Variants in AAMP observed in about 807,000 individuals in gnomAD.
AAMP encodes the protein angio-associated migratory cell protein.
AAMP carries 12 observed loss-of-function variants against 51.1 expected under a neutral mutation model. That is an observed-to-expected ratio of 0.23 (90% CI 0.15 to 0.38). The LOEUF (loss-of-function observed/expected upper bound fraction) is 0.38. AAMP is among the 10% of genes least tolerant of loss of function. The pLI is 1.00. For missense variants in AAMP, 418 were observed against 557.2 expected, an observed-to-expected ratio of 0.75 and a Z score of 2.52; for synonymous variants, 210 against 218.7, an observed-to-expected ratio of 0.96 and a Z score of 0.35.
At position 218,266,806 on chromosome 2, in the gene AAMP, C is replaced by T; in HGVS notation, c.534+41G>A. ...CTCCCAAGCTTGCACCCCCAACAACCCAAGGCCCCACAGAGCTGACTCCCG... is the reference window on the plus strand; with the variant it reads ...CTCCCAAGCTTGCACCCCCAACAACTCAAGGCCCCACAGAGCTGACTCCCG... On this transcript the variant is annotated intron_variant, in intron 4 of 10. Coordinates refer to ENST00000248450, the MANE Select transcript of AAMP (RefSeq NM_001087.5). This position sits in a 1 kb window ranked among gnomAD's most constrained non-coding sequence, Gnocchi z 4.7. 1.2e-6 allele frequency: 2 copies of T among 1,611,446 alleles called. No homozygotes were observed. The highest frequency in any genetic ancestry group is 1.7e-6 in the Non-Finnish European group (2 of 1,178,772).
At position 218,265,880 on chromosome 2, in the gene AAMP, G is replaced by C; in HGVS notation, c.830C>G (p.Thr277Ser). 1.2e-6 allele frequency: 2 copies of C among 1,614,040 alleles called. No homozygotes were observed. Among genetic ancestry groups the C allele is most frequent in the Non-Finnish European group, 1.7e-6 (2 of 1,180,024 alleles). Reference sequence around the variant, plus strand: ...CTTGGCCTGGCAGTCCACAGAGCCAGTTAGGATCAAGCTGCCATCCTGGTT... The same window carrying C: ...CTTGGCCTGGCAGTCCACAGAGCCACTTAGGATCAAGCTGCCATCCTGGTT... ...AANQDGSLIL[T>S]GSVDCQAKLV... Residue 277 changes from threonine to serine, a missense_variant, in exon 7 of 11, where the codon ACT becomes AGT. By Grantham distance (58) the Thr-to-Ser change is moderately conservative (BLOSUM62 1). Transcript: ENST00000248450. This position sits in a 1 kb window ranked among gnomAD's most constrained non-coding sequence, Gnocchi z 6.6.
Position 218,266,799 on chromosome 2 carries a change from C to T in AAMP, c.534+48G>A, listed in dbSNP as rs200060139. 30 of 1,608,856 alleles carry T rather than the reference C, an allele frequency of 1.9e-5. No homozygotes were observed. In the Admixed American group the frequency reaches 2.5e-4, roughly 13 times the overall value. ...AACTGGCCTCCCAAGCTTGCACCCC[C>T]AACAACCCAAGGCCCCACAGAGCTG... On this transcript the variant is annotated intron_variant, in intron 4 of 10. Transcript: ENST00000248450. The surrounding 1 kb of genome is among the most constrained non-coding windows in gnomAD (Gnocchi z 4.7).
chr2:218,265,955 G>A lies in AAMP; in HGVS notation c.764-9C>T. Reference sequence around the variant, plus strand: ...CTGGTGACCCTCAGTCCCTAGCATAGAGCAGGGAGGCAGCTCAGGCTTCGT... The same window carrying A: ...CTGGTGACCCTCAGTCCCTAGCATAAAGCAGGGAGGCAGCTCAGGCTTCGT... On this transcript the variant is annotated splice_polypyrimidine_tract_variant and intron_variant, in intron 6 of 10. Transcript: ENST00000248450. This position sits in a 1 kb window ranked among gnomAD's most constrained non-coding sequence, Gnocchi z 6.6. The A allele has an allele frequency of 6.2e-7, 1 of 1,611,094 alleles. No homozygotes were observed. The highest frequency in any genetic ancestry group is 8.5e-7 in the Non-Finnish European group (1 of 1,177,362).
At position 218,265,395 on chromosome 2, in the gene AAMP, A is replaced by C; in HGVS notation, c.1050T>G (p.Thr350=). Residue 350 remains threonine (T), a synonymous_variant, in exon 9 of 11, where the codon ACT becomes ACG. Transcript: ENST00000248450. The surrounding 1 kb of genome is among the most constrained non-coding windows in gnomAD (Gnocchi z 6.6). The part of the protein sequence containing the change: ...TLAIYDLATQ[T]LRHQCQHQSG... The stretch of plus-strand genomic sequence containing the variant: ...CCTGGTGCTGACACTGATGCCTAAG[A>C]GTCTGCGTAGCCAGGTCATAGATGG... 6.4e-7 allele frequency: 1 copy of C among 1,560,850 alleles called. No individual in the cohort carries two copies. The highest frequency in any genetic ancestry group is 8.7e-7 in the Non-Finnish European group (1 of 1,151,422).
Position 218,267,291 on chromosome 2 carries a change from G to A in AAMP, c.394+203C>T, listed in dbSNP as rs1208217991. 8.8e-6 allele frequency: 7 copies of A among 797,780 alleles called. No individual in the cohort carries two copies. Among genetic ancestry groups the A allele is most frequent in the Non-Finnish European group, 1.4e-5 (7 of 506,944 alleles). The allele number at this position is 797,780 out of a possible 1,614,324, so 49.4% of individuals were successfully genotyped here. On this transcript the variant is annotated intron_variant, in intron 3 of 10. Transcript: ENST00000248450. This position sits in a 1 kb window ranked among gnomAD's most constrained non-coding sequence, Gnocchi z 4.6. ...AATGTGGCCTTCTCTGGCCTTTCCT[G>A]GATTCCCTTGGCCAATTAGTGCCTC...
rs1440971481 is a variant in AAMP, at chr2:218,269,267, C to G, written c.274+115G>C. ...TTCCCACCTGTGGGCTCCTCCAGCG[C>G]AAGGCCAGCATCTTGCCCATCTCTG... is the stretch of plus-strand genomic sequence containing the variant. On this transcript the variant is annotated intron_variant, in intron 2 of 10. Coordinates refer to ENST00000248450, the MANE Select transcript of AAMP (RefSeq NM_001087.5). 2.9e-6 allele frequency: 4 copies of G among 1,400,882 alleles called. No homozygotes were observed. In the African/African-American group the frequency reaches 4.2e-5, roughly 15 times the overall value. 86.8% of individuals were successfully genotyped at this position (1,400,882 alleles called of 1,614,324 possible).
In AAMP at chr2:218,265,865, C is replaced by G. The variant is rs1690615442; in HGVS notation, c.845G>C (p.Cys282Ser). 1 of 1,613,800 alleles carries G rather than the reference C, an allele frequency of 6.2e-7. No individual in the cohort carries two copies. The highest frequency in any genetic ancestry group is 8.5e-7 in the Non-Finnish European group (1 of 1,179,954). The change falls in exon 7 of 11, where the codon TGC becomes TCC. Residue 282 changes from cysteine (C) to serine (S), a missense_variant. Cys to Ser is a moderately radical substitution (Grantham distance 112, BLOSUM62 -1). Coordinates refer to ENST00000248450, the MANE Select transcript of AAMP (RefSeq NM_001087.5). The surrounding 1 kb of genome is among the most constrained non-coding windows in gnomAD (Gnocchi z 6.6). ...GGTGGCACTGACCAGCTTGGCCTGG[C>G]AGTCCACAGAGCCAGTTAGGATCAA... is the stretch of plus-strand genomic sequence containing the variant. ...GSLILTGSVDCQAKLVSATTG... is the reference protein window; with the variant it reads ...GSLILTGSVDSQAKLVSATTG...
Position 218,269,958 on chromosome 2 carries a change from G to C in AAMP, c.121+8C>G, listed in dbSNP as rs780115150. 1.9e-6 allele frequency: 3 copies of C among 1,614,090 alleles called. No homozygotes were observed. The highest frequency in any genetic ancestry group is 2.5e-6 in the Non-Finnish European group (3 of 1,179,996). On this transcript the variant is annotated splice_region_variant and intron_variant, in intron 1 of 10. Coordinates refer to ENST00000248450, the MANE Select transcript of AAMP (RefSeq NM_001087.5). Reference sequence around the variant, plus strand: ...CTGTCCCATGGCCTGAGGAGCGGCAGTTCTCACCTGGGTCCGGCGGACCGG... The same window carrying C: ...CTGTCCCATGGCCTGAGGAGCGGCACTTCTCACCTGGGTCCGGCGGACCGG...
Position 218,264,290 on chromosome 2 carries a change from AAGAG to A in AAMP, c.*239_*242del, listed in dbSNP as rs1690562684. On this transcript the variant is annotated 3_prime_UTR_variant, in exon 11 of 11. Transcript: ENST00000248450. ...GGCTCACACCAGCAAATGAAAGTGA[AAGAG>A]AAACAGGTCCACCCCTCCCTCTGAA... 17 of 542,568 alleles carry A rather than the reference AAGAG, an allele frequency of 3.1e-5. No individual in the cohort carries two copies. The South Asian group carries it at 4.2e-4, about 14-fold the overall frequency. The allele number at this position is 542,568 out of a possible 1,614,324, so 33.6% of individuals were successfully genotyped here.
At position 218,269,985 on chromosome 2, in the gene AAMP, A is replaced by G. The variant is rs202164482; in HGVS notation, c.102T>C (p.Asp34=). The change falls in exon 1 of 11, where the codon GAT becomes GAC. Residue 34 remains aspartate (D), a synonymous_variant. Transcript: ENST00000248450. The part of the protein sequence containing the change: ...DEEIIEVVEL[D]PGPPDPDDLA... ...TCTCACCTGGGTCCGGCGGACCGGG[A>G]TCAAGTTCTACCACCTCGATAATCT... The G allele has an allele frequency of 6.2e-7, 1 of 1,613,986 alleles. No individual in the cohort carries two copies. The highest frequency in any genetic ancestry group is 2.2e-5 in the East Asian group (1 of 44,838).
rs1690626151 is a variant in AAMP at position 218,266,276 on chromosome 2, C to T, written c.680-129G>A. On this transcript the variant is annotated intron_variant, in intron 5 of 10. Transcript: ENST00000248450. This position sits in a 1 kb window ranked among gnomAD's most constrained non-coding sequence, Gnocchi z 4.7. ...CTGCCCCAGGAATCACAGGTGAGTT[C>T]AGAGCAGGAAGGAGGCGCTGTGAAC... 6 of 1,311,770 alleles carry T rather than the reference C, an allele frequency of 4.6e-6. No individual in the cohort carries two copies. The East Asian group carries it at 7.0e-5, about 15-fold the overall frequency. 81.3% of individuals were successfully genotyped at this position (1,311,770 alleles called of 1,614,324 possible). A position where few individuals can be genotyped will look rare whatever the true frequency, so the allele number is the denominator to read the frequency against.
In AAMP at chr2:218,270,134, A is replaced by T; in HGVS notation, c.-48T>A. 6.2e-7 allele frequency: 1 copy of T among 1,604,244 alleles called. No individual in the cohort carries two copies. The highest frequency in any genetic ancestry group is 1.3e-5 in the African/African-American group (1 of 74,744). On this transcript the variant is annotated 5_prime_UTR_variant, in exon 1 of 11. Transcript: ENST00000248450. ...TTCTCTGGGCCCAAACGCCTCCCAG[A>T]GTCAGCTCTGCGCGACGACGCGGAA... is the stretch of plus-strand genomic sequence containing the variant.
chr2:218,265,467 C>T lies in AAMP; in HGVS notation c.984-6G>A, dbSNP rs1191113679. The T allele has an allele frequency of 6.4e-7, 1 of 1,572,690 alleles. No homozygotes were observed. The highest frequency in any genetic ancestry group is 1.4e-5 in the African/African-American group (1 of 73,936). Reference sequence around the variant, plus strand: ...CAACAGCTGCCAGGGGCATCCTGGCCAGAGGAGCGTACCATGAAGACTCAT... The same window carrying T: ...CAACAGCTGCCAGGGGCATCCTGGCTAGAGGAGCGTACCATGAAGACTCAT... On this transcript the variant is annotated splice_polypyrimidine_tract_variant and splice_region_variant and intron_variant, in intron 8 of 10. Transcript: ENST00000248450. This position sits in a 1 kb window ranked among gnomAD's most constrained non-coding sequence, Gnocchi z 6.6.
In AAMP at chr2:218,266,409, C is replaced by T. The variant is rs1313911583; in HGVS notation, c.679+34G>A. 4 of 1,604,906 alleles carry T rather than the reference C, an allele frequency of 2.5e-6. No homozygotes were observed. Among genetic ancestry groups the T allele is most frequent in the Non-Finnish European group, 3.4e-6 (4 of 1,173,268 alleles). ...TATATCCCGGGATTCGGCCTCTGCACCCAGGAAAGGTCACTCAAGGGAGGT... is the reference window on the plus strand; with the variant it reads ...TATATCCCGGGATTCGGCCTCTGCATCCAGGAAAGGTCACTCAAGGGAGGT... On this transcript the variant is annotated intron_variant, in intron 5 of 10. Coordinates refer to ENST00000248450, the MANE Select transcript of AAMP (RefSeq NM_001087.5). This position sits in a 1 kb window ranked among gnomAD's most constrained non-coding sequence, Gnocchi z 4.7.
rs755374257 is a variant in AAMP at position 218,264,645 on chromosome 2, G to A, written c.1230-37C>T. On this transcript the variant is annotated intron_variant, in intron 10 of 10. Transcript: ENST00000248450. ...AAGCATGTGATTGCAGAGACTGGGG[G>A]ACCCAAGCCCACCACCTAGGGGCCC... 6.9e-6 allele frequency: 11 copies of A among 1,595,950 alleles called. No homozygotes were observed. The South Asian group carries it at 1.1e-4, about 16-fold the overall frequency.
At chr2:218,264,911 A>G in intron 10 of AAMP, 109 bp downstream of exon 10, 2 of 1,542,176 alleles carry the variant, frequency 1.3e-6, no homozygotes, top group South Asian at 2.2e-5. Flanking sequence ...GCTTCTCTGC[A>G]TTCCTGCCTT....
intron 2 of AAMP, among the ~76,000 whole-genome samples, chr2:218,268,801 C>G (rs1379673839): frequency 6.6e-6 from 1 of 150,414 alleles, no homozygotes; most frequent in East Asian, 2.0e-4. Flanking sequence ...CGGGTTCAAG[C>G]AATTCTCCTG....
rs745586310 is a variant in AAMP, at chr2:218,265,498, C to T, written c.984-37G>A. The T allele has an allele frequency of 6.4e-7, 1 of 1,573,396 alleles. No individual in the cohort carries two copies. The highest frequency in any genetic ancestry group is 2.3e-5 in the East Asian group (1 of 44,034). On this transcript the variant is annotated intron_variant, in intron 8 of 10. Transcript: ENST00000248450. This position sits in a 1 kb window ranked among gnomAD's most constrained non-coding sequence, Gnocchi z 6.6. ...AGCGTACCATGAAGACTCATGAGGGCCTGGACTCACACGCCCTGCCGTCCT... is the reference window on the plus strand; with the variant it reads ...AGCGTACCATGAAGACTCATGAGGGTCTGGACTCACACGCCCTGCCGTCCT...
rs150531124 is a variant in AAMP, at chr2:218,267,435, C to A, written c.394+59G>T. On this transcript the variant is annotated intron_variant, in intron 3 of 10. Transcript: ENST00000248450. This position sits in a 1 kb window ranked among gnomAD's most constrained non-coding sequence, Gnocchi z 4.6. ...GGATGCACAACCTCTGCAGGTCAGC[C>A]TCCTAAGATCTCCCAAAAGAATATG... is the stretch of plus-strand genomic sequence containing the variant. 402 of 1,600,810 alleles carry A rather than the reference C, an allele frequency of 2.5e-4. No homozygotes were observed. The African/African-American group carries it at 4.6e-3, about 18-fold the overall frequency.
Sources: allele counts gnomAD v4.1 joint callset (sites outside exome capture counted in the v4.1 genomes callset), GRCh38; gene constraint gnomAD v4.1.1; non-coding constraint Gnocchi (gnomAD v3.1); transcripts MANE v1.5; gene names NCBI Gene and HGNC (gene_info 2026-07-23, HGNC 2026-07-21).